TNFSF12: variants seen among roughly 807,000 people sequenced by gnomAD.
The protein encoded by TNFSF12 is tumor necrosis factor ligand superfamily member 12.
A neutral mutation model predicts 31.2 loss-of-function variants in TNFSF12; 16 were observed. That is an observed-to-expected ratio of 0.51 (90% CI 0.35 to 0.78). The LOEUF is 0.78. Ranked by LOEUF, TNFSF12 falls within the 30% of genes least tolerant of loss-of-function variation. The pLI is 0.01. For synonymous variants in TNFSF12, 150 were observed against 151.4 expected (o/e 0.99, Z 0.07); for missense variants, 324 against 338.8 (o/e 0.96, Z 0.34).
Position 7,557,620 on chromosome 17 carries a change from C to T in TNFSF12, c.*270C>T, listed in dbSNP as rs769475388. On this transcript the variant is annotated 3_prime_UTR_variant, in exon 7 of 7. Coordinates refer to ENST00000293825, the MANE Select transcript of TNFSF12 (RefSeq NM_003809.3). This position sits in a 1 kb window ranked among gnomAD's most constrained non-coding sequence, Gnocchi z 5.2. ...AGGCCCCCAGTGATCTCGACTCCCC[C>T]CTGGCCACAGACCCCCAGGGCATTG... is the stretch of plus-strand genomic sequence containing the variant. 10 of 468,060 alleles carry T rather than the reference C, an allele frequency of 2.1e-5. No individual in the cohort carries two copies. Among genetic ancestry groups the T allele is most frequent in the South Asian group, 6.0e-5 (2 of 33,562 alleles). The allele number at this position is 468,060 out of a possible 1,614,324, so 29.0% of individuals were successfully genotyped here. A position where few individuals can be genotyped will look rare whatever the true frequency, so the allele number is the denominator to read the frequency against.
chr17:7,549,372 C>T lies in TNFSF12; in HGVS notation c.159+60C>T, dbSNP rs1009467793. 2 of 1,410,456 alleles carry T rather than the reference C, an allele frequency of 1.4e-6. No homozygotes were observed. Among genetic ancestry groups the T allele is most frequent in the African/African-American group, 2.9e-5 (2 of 68,882 alleles). The allele number at this position is 1,410,456 out of a possible 1,614,324, so 87.4% of individuals were successfully genotyped here. ...TCAGGAGCTGAGACTGCAGAGGGGC[C>T]GCTGGGGGCCGCGTGGGCTGAAGGC... On this transcript the variant is annotated intron_variant, in intron 1 of 6. Transcript: ENST00000293825. The surrounding 1 kb of genome is among the most constrained non-coding windows in gnomAD (Gnocchi z 4.1).
chr17:7,557,342 G>A lies in TNFSF12; in HGVS notation c.742G>A (p.Val248Ile). 6.3e-7 allele frequency: 1 copy of A among 1,595,110 alleles called. No homozygotes were observed. The highest frequency in any genetic ancestry group is 1.1e-5 in the South Asian group (1 of 89,434). The change falls in exon 7 of 7, where the codon GTT (valine) becomes ATT (isoleucine). Residue 248 changes from valine to isoleucine, a missense_variant. Transcript: ENST00000293825. This position sits in a 1 kb window ranked among gnomAD's most constrained non-coding sequence, Gnocchi z 5.2. ...PFLTYFGLFQVH is the reference protein window; with the variant it reads ...PFLTYFGLFQIH The stretch of plus-strand genomic sequence containing the variant: ...CCTCACCTACTTCGGACTCTTCCAG[G>A]TTCACTGAGGGGCCCTGGTCTCCCC...
In TNFSF12 at chr17:7,550,820, G is replaced by A. The variant is rs749853561; in HGVS notation, c.305G>A (p.Arg102Gln). 15 of 1,611,460 alleles carry A rather than the reference G, an allele frequency of 9.3e-6. No homozygotes were observed. Among genetic ancestry groups the A allele is most frequent in the East Asian group, 4.5e-5 (2 of 44,782 alleles). The part of the protein sequence containing the change: ...RRSAPKGRKT[R>Q]ARRAIAAHYE... ...TCAGCACCTAAAGGCCGGAAAACAC[G>A]GGCTCGAAGAGCGATCGCAGCCCAT... The change falls in exon 4 of 7, where the codon CGG (arginine) becomes CAG (glutamine). Residue 102 changes from arginine (R) to glutamine (Q), a missense_variant. By Grantham distance (43) the Arg-to-Gln change is conservative. Coordinates refer to ENST00000293825, the MANE Select transcript of TNFSF12 (RefSeq NM_003809.3). The surrounding 1 kb of genome is among the most constrained non-coding windows in gnomAD (Gnocchi z 4.4).
rs1194709064 is a variant in TNFSF12, at chr17:7,556,865, T to C, written c.461T>C (p.Ile154Thr). The C allele has an allele frequency of 1.9e-6, 3 of 1,550,764 alleles. No homozygotes were observed. The highest frequency in any genetic ancestry group is 2.6e-6 in the Non-Finnish European group (3 of 1,146,360). Residue 154 changes from isoleucine to threonine, a missense_variant, in exon 6 of 7, where the codon ATA (isoleucine) becomes ACA (threonine). Coordinates refer to ENST00000293825, the MANE Select transcript of TNFSF12 (RefSeq NM_003809.3). ...LRYNRQIGEF[I>T]VTRAGLYYLY... ...TACAACCGCCAGATCGGGGAGTTTA[T>C]AGTCACCCGGGCTGGGCTCTACTAC...
chr17:7,554,176 C>T (rs2071031768), intron 5 of TNFSF12, among the ~76,000 whole-genome samples: 1 of 152,136 alleles, frequency 6.6e-6, no homozygotes, highest in Non-Finnish European at 1.5e-5. Flanking sequence ...ATCAGCCTTC[C>T]TCCCCTCTGT....
At chr17:7,553,659 T>C (rs1388316247) in intron 5 of TNFSF12, 1 of 1,304,150 alleles carries the variant, frequency 7.7e-7, no homozygotes, top group South Asian at 1.2e-5. Flanking sequence ...CCAGCTAGAA[T>C]GTGCCTGTGT....
rs1392792307 is a variant in TNFSF12, at chr17:7,557,356, C to A, written c.*6C>A. 6.3e-7 allele frequency: 1 copy of A among 1,581,024 alleles called. No homozygotes were observed. Among genetic ancestry groups the A allele is most frequent in the South Asian group, 1.1e-5 (1 of 87,624 alleles). ...GACTCTTCCAGGTTCACTGAGGGGC[C>A]CTGGTCTCCCCGCAGTCGTCCCAGG... On this transcript the variant is annotated 3_prime_UTR_variant, in exon 7 of 7. Transcript: ENST00000293825. This position sits in a 1 kb window ranked among gnomAD's most constrained non-coding sequence, Gnocchi z 5.2.
Position 7,555,976 on chromosome 17 carries a change from TTTTTTG to T in TNFSF12, c.374-796_374-791del, listed in dbSNP as rs779694011. Among the ~76,000 whole-genome samples, 15 of 66,876 alleles carry T rather than the reference TTTTTTG, an allele frequency of 2.2e-4. 1 individual carries two copies. Among genetic ancestry groups the T allele is most frequent in the Non-Finnish European group, 5.0e-4 (12 of 24,108 alleles). The allele number at this position is 66,876 out of a possible 152,430, so 43.9% of individuals were successfully genotyped here. ...GAAATAAAAATGCCCAGTGAGCGTT[TTTTTTG>T]TTTTTTTTTTTTTTTGGAGACAGAG... On this transcript the variant is annotated intron_variant, in intron 5 of 6. Transcript: ENST00000293825.
At chr17:7,554,953 G>A (rs2150907472) in intron 5 of TNFSF12, among the ~76,000 whole-genome samples, 1 of 152,072 alleles carries the variant, frequency 6.6e-6, no homozygotes. Context: ...TCTAGGAGAG[G>A]AAACAAGCAT....
At chr17:7,551,895 C>T (rs2071004964) in intron 5 of TNFSF12, among the ~76,000 whole-genome samples, 1 of 152,128 alleles carries the variant, frequency 6.6e-6, no homozygotes, top group Non-Finnish European at 1.5e-5. Context: ...TCAAGAGATT[C>T]CCGTCTCAGC....
In TNFSF12 at chr17:7,550,634, T is replaced by C. The variant is rs1430972763; in HGVS notation, c.284-165T>C. 1.3e-5 allele frequency among the ~76,000 whole-genome samples: 2 copies of C among 152,176 alleles called. No individual in the cohort carries two copies. The highest frequency in any genetic ancestry group is 2.9e-5 in the Non-Finnish European group (2 of 68,038). On this transcript the variant is annotated intron_variant, in intron 3 of 6. Coordinates refer to ENST00000293825, the MANE Select transcript of TNFSF12 (RefSeq NM_003809.3). The surrounding 1 kb of genome is among the most constrained non-coding windows in gnomAD (Gnocchi z 4.4). The stretch of plus-strand genomic sequence containing the variant: ...GTATCCCAGTGTGGATGACAAATTA[T>C]AGTCACTCTACTTACTGAGGAAGAT...
At chr17:7,553,041 T>C (rs1440404316) in intron 5 of TNFSF12, among the ~76,000 whole-genome samples, 4 of 80,142 alleles carry the variant, frequency 5.0e-5, no homozygotes, top group South Asian at 5.0e-4. Flanking sequence ...TTTTTTTTTT[T>C]TTTTTTTTTT....
intron 5 of TNFSF12, 87 bp from the exon 6 acceptor site, chr17:7,556,691 G>A (rs1372667177): frequency 1.3e-5 from 17 of 1,355,182 alleles, no homozygotes; most frequent in African/African-American, 1.5e-5. Flanking sequence ...AGTGGGCGCC[G>A]AATGTTCATA....
chr17:7,557,241 G>A lies in TNFSF12; in HGVS notation c.641G>A (p.Gly214Glu). The change falls in exon 7 of 7, where the codon GGG becomes GAG. Residue 214 changes from glycine to glutamate, a missense_variant. Coordinates refer to ENST00000293825, the MANE Select transcript of TNFSF12 (RefSeq NM_003809.3). The surrounding 1 kb of genome is among the most constrained non-coding windows in gnomAD (Gnocchi z 5.2). ...GPQLRLCQVSGLLALRPGSSL... is the reference protein window; with the variant it reads ...GPQLRLCQVSELLALRPGSSL... The stretch of plus-strand genomic sequence containing the variant: ...CAGCTCCGCCTCTGCCAGGTGTCTG[G>A]GCTGTTGGCCCTGCGGCCAGGGTCC... 1 of 1,613,778 alleles carries A rather than the reference G, an allele frequency of 6.2e-7. No homozygotes were observed. The highest frequency in any genetic ancestry group is 8.5e-7 in the Non-Finnish European group (1 of 1,179,978).
intron 5 of TNFSF12, chr17:7,553,547 G>A: frequency 1.0e-6 from 1 of 977,510 alleles, no homozygotes; most frequent in Non-Finnish European, 1.4e-6. Flanking sequence ...CCTCACAACA[G>A]CCCTAAAAGG....
intron 5 of TNFSF12, among the ~76,000 whole-genome samples, chr17:7,552,954 A>G (rs2071016645): frequency 6.7e-6 from 1 of 149,456 alleles, no homozygotes. Flanking sequence ...TGGCATAGTT[A>G]GAACAGGAAG....
intron 5 of TNFSF12, 43 bp from the exon 6 acceptor site, chr17:7,556,735 C>T (rs1332261059): frequency 6.8e-7 from 1 of 1,472,458 alleles, no homozygotes; most frequent in Non-Finnish European, 9.0e-7. Flanking sequence ...GTGGGGGAGT[C>T]CTGTAGAGAG....
chr17:7,549,238 G>T lies in TNFSF12; in HGVS notation c.85G>T (p.Gly29Cys). 1 of 1,387,178 alleles carries T rather than the reference G, an allele frequency of 7.2e-7. No individual in the cohort carries two copies. The allele number at this position is 1,387,178 out of a possible 1,614,324, so 85.9% of individuals were successfully genotyped here. A position where few individuals can be genotyped will look rare whatever the true frequency, so the allele number is the denominator to read the frequency against. Residue 29 changes from glycine to cysteine, a missense_variant, in exon 1 of 7, where the codon GGC (glycine) becomes TGC (cysteine). By Grantham distance (159) the Gly-to-Cys change is radical (BLOSUM62 -3). Transcript: ENST00000293825. The surrounding 1 kb of genome is among the most constrained non-coding windows in gnomAD (Gnocchi z 4.1). ...GCTGGTCCCGCTCGCGCTGGGCCTG[G>T]GCCTGGCGCTGGCCTGCCTCGGCCT... Reference protein sequence around the residue: ...ALLVPLALGLGLALACLGLLL... With the variant: ...ALLVPLALGLCLALACLGLLL...
chr17:7,549,644 A>T lies in TNFSF12; in HGVS notation c.207+123A>T. 7.2e-7 allele frequency: 1 copy of T among 1,386,478 alleles called. No individual in the cohort carries two copies. The allele number at this position is 1,386,478 out of a possible 1,614,324, so 85.9% of individuals were successfully genotyped here. A position where few individuals can be genotyped will look rare whatever the true frequency, so the allele number is the denominator to read the frequency against. On this transcript the variant is annotated intron_variant, in intron 2 of 6. Coordinates refer to ENST00000293825, the MANE Select transcript of TNFSF12 (RefSeq NM_003809.3). This position sits in a 1 kb window ranked among gnomAD's most constrained non-coding sequence, Gnocchi z 4.1. Reference sequence around the variant, plus strand: ...GTGTGTGCAGGGTGTGTGTGAACACAGTGCGTGCATGGGTGCGTGTCTGCA... The same window carrying T: ...GTGTGTGCAGGGTGTGTGTGAACACTGTGCGTGCATGGGTGCGTGTCTGCA...
Sources: gnomAD v4.1 joint callset for allele counts (sites outside exome capture counted in the v4.1 genomes callset) on GRCh38, gnomAD v4.1.1 for gene constraint, Gnocchi (gnomAD v3.1) non-coding constraint, MANE v1.5 for transcripts, NCBI Gene and HGNC (gene_info 2026-07-23, HGNC 2026-07-21) for gene names.